Variants in RPIA observed in about 807,000 individuals in gnomAD.
The protein encoded by RPIA is ribose-5-phosphate isomerase.
Under a neutral mutation model 37.8 loss-of-function variants are expected in RPIA, and 29 were observed. The ratio of observed to expected loss-of-function variants is 0.77; its 90% CI spans 0.57 to 1.05. The LOEUF (loss-of-function observed/expected upper bound fraction) is 1.05, where lower values mean the gene tolerates loss of function less well. Among genes scored for constraint, RPIA ranks in the 50% least tolerant of loss-of-function variants. The probability of loss-of-function intolerance (pLI) is 0.00; values close to 1 mark genes in which losing one functional copy is unlikely to be tolerated. For synonymous variants in RPIA, 167 were observed against 157.0 expected, an observed-to-expected ratio of 1.06 and a Z score of -0.48; for missense variants, 385 against 413.6, an observed-to-expected ratio of 0.93 and a Z score of 0.60.
chr2:88,692,146 C>T (rs1262671781), intron 1 of RPIA, among the ~76,000 whole-genome samples, 163 bp downstream of exon 1: 1 of 152,348 alleles, frequency 6.6e-6, no homozygotes, highest in African/African-American at 2.4e-5. Context: ...CCCCTCTTCC[C>T]TGCTCCTTAA....
chr2:88,707,982 A>G (rs961236658), intron 3 of RPIA, among the ~76,000 whole-genome samples: 1 of 152,212 alleles, frequency 6.6e-6, no homozygotes, highest in Non-Finnish European at 1.5e-5. Flanking sequence ...GGGTTCCAGT[A>G]TCTTCTTGAT....
In RPIA at chr2:88,691,904, G is replaced by A. The variant is rs763575671; in HGVS notation, c.206G>A (p.Cys69Tyr). 1.3e-6 allele frequency: 2 copies of A among 1,594,966 alleles called. No individual in the cohort carries two copies. Among genetic ancestry groups the A allele is most frequent in the Non-Finnish European group, 1.7e-6 (2 of 1,171,868 alleles). ...STSCGDSNSI[C>Y]PAPSTMSKAE... ...AGCTGCGGGGACTCCAACAGCATCT[G>A]CCCGGCCCCCTCCACGATGTCCAAG... is the stretch of plus-strand genomic sequence containing the variant. The change falls in exon 1 of 9, where the codon TGC becomes TAC. Residue 69 changes from cysteine (C) to tyrosine (Y), a missense_variant. Coordinates refer to ENST00000283646, the MANE Select transcript of RPIA (RefSeq NM_144563.3).
At chr2:88,712,498 A>T (rs1170701966) in intron 3 of RPIA, among the ~76,000 whole-genome samples, 3 of 152,156 alleles carry the variant, frequency 2.0e-5, no homozygotes, top group Non-Finnish European at 4.4e-5. Flanking sequence ...ACATTTGCTT[A>T]TTCTTTACCT....
At chr2:88,692,097 G>A in intron 1 of RPIA, 114 bp downstream of exon 1, 1 of 1,343,910 alleles carries the variant, frequency 7.4e-7, no homozygotes, top group Middle Eastern at 2.0e-4. Flanking sequence ...CGGGAGCTGA[G>A]TGAGAGGGTA....
In RPIA at chr2:88,701,760, G is replaced by A. The variant is rs529552040; in HGVS notation, c.402+1696G>A. On this transcript the variant is annotated intron_variant, in intron 3 of 8. Coordinates refer to ENST00000283646, the MANE Select transcript of RPIA (RefSeq NM_144563.3). ...TGTAATTCAGTAGGTCAGAATTAGA[G>A]GAAAGAGTATGTTGGATAAAACAGA... Among the ~76,000 whole-genome samples, 3 of 152,336 alleles carry A rather than the reference G, an allele frequency of 2.0e-5. No homozygotes were observed. In the South Asian group the frequency reaches 6.2e-4, roughly 32 times the overall value.
At chr2:88,749,894 A>G (rs1673482432) in intron 8 of RPIA, 87 bp from the exon 9 acceptor site, 1 of 839,218 alleles carries the variant, frequency 1.2e-6, no homozygotes, top group South Asian at 1.4e-5. Context: ...TGTGTATGAC[A>G]GTTGCTTCTA....
chr2:88,705,849 A>T (rs1672891544), intron 3 of RPIA, among the ~76,000 whole-genome samples: 1 of 151,528 alleles, frequency 6.6e-6, no homozygotes, highest in Non-Finnish European at 1.5e-5. Flanking sequence ...AGGAACTTAA[A>T]CAAATTTATA....
chr2:88,696,100 T>C (rs2104067818), intron 1 of RPIA, among the ~76,000 whole-genome samples: 1 of 152,334 alleles, frequency 6.6e-6, no homozygotes, highest in South Asian at 2.1e-4. Context: ...GTTGTGGCCC[T>C]GCTTGTCCTG....
At chr2:88,716,063 A>G (rs1017237171) in intron 3 of RPIA, among the ~76,000 whole-genome samples, 4 of 152,058 alleles carry the variant, frequency 2.6e-5, no homozygotes, top group Non-Finnish European at 4.4e-5. Flanking sequence ...ACAGAACTCA[A>G]AGTCATCCCT....
chr2:88,708,986 G>C (rs1672930233), intron 3 of RPIA, among the ~76,000 whole-genome samples: 1 of 152,110 alleles, frequency 6.6e-6, no homozygotes, highest in Admixed American at 6.5e-5. Flanking sequence ...TCCATCTCTT[G>C]ACCTTGTGAT....
At chr2:88,725,547 A>G (rs890790253) in intron 3 of RPIA, among the ~76,000 whole-genome samples, 1 of 151,902 alleles carries the variant, frequency 6.6e-6, no homozygotes, top group Non-Finnish European at 1.5e-5. Flanking sequence ...GCATGTTCAC[A>G]TGTTGTTCTC....
intron 3 of RPIA, among the ~76,000 whole-genome samples, chr2:88,723,637 ACCTCTACTCAGAATC>A (rs1673161027): frequency 6.6e-6 from 1 of 152,092 alleles, no homozygotes; most frequent in African/African-American, 2.4e-5. Flanking sequence ...GGTCAGGGGT[ACCTCTACTCAGAATC>A]CCTCTGTGGT....
chr2:88,729,424 G>C, intron 4 of RPIA, 87 bp downstream of exon 4: 1 of 1,285,622 alleles, frequency 7.8e-7, no homozygotes, highest in Non-Finnish European at 1.1e-6. Flanking sequence ...CAGATATCTT[G>C]TAAAATCTAG....
Position 88,708,334 on chromosome 2 carries a change from T to G in RPIA, c.402+8270T>G, listed in dbSNP as rs150031403. On this transcript the variant is annotated intron_variant, in intron 3 of 8. Coordinates refer to ENST00000283646, the MANE Select transcript of RPIA (RefSeq NM_144563.3). ...GAATCCAGGAGTCAGCTCCTTCAAG[T>G]TTTGCTGCACAGCAATTAGTTAACA... Among the ~76,000 whole-genome samples, 295 of 152,314 alleles carry G rather than the reference T, an allele frequency of 1.9e-3. 2 individuals are homozygous for G. The highest frequency in any genetic ancestry group is 7.0e-3 in the African/African-American group (290 of 41,558).
intron 3 of RPIA, among the ~76,000 whole-genome samples, chr2:88,713,121 T>TATATA (rs58120689): frequency 3.7e-4 from 21 of 56,292 alleles, no homozygotes; most frequent in East Asian, 5.2e-4. Flanking sequence ...TATATATATA[T>TATATA]TTTTTTTTTT....
intron 3 of RPIA, among the ~76,000 whole-genome samples, chr2:88,707,285 T>C (rs188846900): frequency 6.5e-4 from 99 of 151,672 alleles, no homozygotes; most frequent in Middle Eastern, 3.4e-3. Flanking sequence ...CTGGTAAATA[T>C]TGACTTTTCT....
At chr2:88,712,326 C>T (rs1672970606) in intron 3 of RPIA, among the ~76,000 whole-genome samples, 1 of 152,198 alleles carries the variant, frequency 6.6e-6, no homozygotes, top group Admixed American at 6.5e-5. Context: ...TTGGCAAATT[C>T]CAGCCTTGCA....
chr2:88,714,616 G>A (rs1477166811), intron 3 of RPIA, among the ~76,000 whole-genome samples: 2 of 152,210 alleles, frequency 1.3e-5, no homozygotes, highest in African/African-American at 4.8e-5. Flanking sequence ...TCCTAGAGAA[G>A]GCTGCCCCAT....
At chr2:88,719,640 G>A (rs13422243) in intron 3 of RPIA, among the ~76,000 whole-genome samples, 9,740 of 151,864 alleles carry the variant, frequency 0.064, 558 homozygotes, top group African/African-American at 0.15. Context: ...ATTTAAAAAA[G>A]AAAAAGTCAA....
Sources: allele counts gnomAD v4.1 joint callset (sites outside exome capture counted in the v4.1 genomes callset), GRCh38; gene constraint gnomAD v4.1.1; transcripts MANE v1.5; gene names NCBI Gene and HGNC (gene_info 2026-07-23, HGNC 2026-07-21).